Variants in ANKS1B observed in about 807,000 individuals in gnomAD.
ANKS1B encodes ankyrin repeat and sterile alpha motif domain containing 1B, also known as ankyrin repeat and sterile alpha motif domain-containing protein 1B.
Under a neutral mutation model 148.3 loss-of-function variants are expected in ANKS1B, and 36 were observed. The ratio of observed to expected loss-of-function variants is 0.24; its 90% CI spans 0.19 to 0.32. The LOEUF is 0.32. Ranked by LOEUF, ANKS1B falls within the 10% of genes least tolerant of loss-of-function variation. The pLI, the probability that ANKS1B is intolerant of heterozygous loss-of-function variation, is 1.00. For synonymous variants in ANKS1B, 542 were observed against 560.8 expected (o/e 0.97, Z 0.47); for missense variants, 1,157 against 1,542.6 (o/e 0.75, Z 4.19).
At chr12:99,424,622 AACACACACACACAC>A (rs200308044) in intron 11 of ANKS1B, among the ~76,000 whole-genome samples, 2 of 147,362 alleles carry the variant, frequency 1.4e-5, no homozygotes, top group African/African-American at 5.0e-5. Flanking sequence ...AGGTAGCAGA[AACACACACACACAC>A]ACACACACAC....
intron 17 of ANKS1B, among the ~76,000 whole-genome samples, chr12:98,846,986 C>G (rs2099480193): frequency 6.6e-6 from 1 of 152,192 alleles, no homozygotes; most frequent in South Asian, 2.1e-4. Flanking sequence ...TTAATGCATA[C>G]AACTTGATCA....
intron 12 of ANKS1B, 90 bp from the exon 13 acceptor site, chr12:99,246,954 C>A: frequency 1.0e-6 from 1 of 993,250 alleles, no homozygotes; most frequent in South Asian, 1.6e-5. Flanking sequence ...GTGGGCTATC[C>A]AAACATTTCA....
At chr12:99,735,198 C>T (rs1328662336) in intron 8 of ANKS1B, among the ~76,000 whole-genome samples, 1 of 152,058 alleles carries the variant, frequency 6.6e-6, no homozygotes, top group East Asian at 1.9e-4. Flanking sequence ...TCTAATGATG[C>T]ACCTAAAGGA....
At chr12:99,888,844 A>C (rs1412875314) in intron 1 of ANKS1B, among the ~76,000 whole-genome samples, 2 of 152,116 alleles carry the variant, frequency 1.3e-5, no homozygotes, top group Non-Finnish European at 2.9e-5. Flanking sequence ...GGACAACAAT[A>C]ACTATTTGTT....
intron 17 of ANKS1B, among the ~76,000 whole-genome samples, chr12:98,982,472 CCTTCCCTCCCTCTTAGAAATGACTA>C (rs1024024051): frequency 2.6e-5 from 4 of 152,018 alleles, no homozygotes; most frequent in East Asian, 1.9e-4. Context: ...CCTCCTGATC[CCTTCCCTCCCTCTTAGAAATGACTA>C]CTTCCCTCCC....
chr12:99,623,173 C>T (rs2098074840), intron 9 of ANKS1B, among the ~76,000 whole-genome samples: 1 of 151,666 alleles, frequency 6.6e-6, no homozygotes, highest in Admixed American at 6.6e-5. Flanking sequence ...TCAATAGATG[C>T]AGAAAAAGCA....
chr12:99,508,892 A>C (rs1255554133), intron 9 of ANKS1B, among the ~76,000 whole-genome samples: 1 of 151,938 alleles, frequency 6.6e-6, no homozygotes, highest in Non-Finnish European at 1.5e-5. Context: ...TTTTAAAAAA[A>C]TAAAGATTTA....
intron 6 of ANKS1B, among the ~76,000 whole-genome samples, chr12:99,777,034 A>T (rs2063722884): frequency 6.6e-6 from 1 of 152,174 alleles, no homozygotes; most frequent in African/African-American, 2.4e-5. Context: ...ATGGAAACAC[A>T]ATGTGGGCTC....
intron 17 of ANKS1B, among the ~76,000 whole-genome samples, chr12:98,932,554 A>C (rs767068646): frequency 1.3e-5 from 2 of 152,178 alleles, no homozygotes; most frequent in African/African-American, 2.4e-5. Context: ...TTCTGTACCT[A>C]CTAAATCTTA....
chr12:99,954,445 T>A (rs1236188512), intron 1 of ANKS1B, among the ~76,000 whole-genome samples: 1 of 152,236 alleles, frequency 6.6e-6, no homozygotes, highest in Admixed American at 6.5e-5. Context: ...AATAGTTGCA[T>A]TTCCATGCAT....
intron 25 of ANKS1B, among the ~76,000 whole-genome samples, chr12:98,765,981 T>A (rs752868607): frequency 6.6e-6 from 1 of 152,232 alleles, no homozygotes; most frequent in Non-Finnish European, 1.5e-5. Flanking sequence ...CCCCTGATCA[T>A]GACACTTGAC....
intron 10 of ANKS1B, among the ~76,000 whole-genome samples, chr12:99,453,183 C>A (rs188690134): frequency 6.6e-6 from 1 of 151,680 alleles, no homozygotes; most frequent in Non-Finnish European, 1.5e-5. Context: ...CCAGCTACTC[C>A]GGAGGCTGAG....
intron 1 of ANKS1B, among the ~76,000 whole-genome samples, chr12:99,919,786 A>AAAAAAAC (rs2094295050): frequency 1.3e-5 from 2 of 151,686 alleles, no homozygotes; most frequent in Admixed American, 6.6e-5. Flanking sequence ...AGTTAAAAAA[A>AAAAAAAC]AAAAAAAACC....
intron 12 of ANKS1B, among the ~76,000 whole-genome samples, chr12:99,393,603 T>C (rs530995988): frequency 1.3e-5 from 2 of 152,370 alleles, no homozygotes; most frequent in East Asian, 3.9e-4. Context: ...TTTAAGAATA[T>C]GTTGATGGAG....
intron 1 of ANKS1B, among the ~76,000 whole-genome samples, chr12:99,900,148 C>G (rs925879751): frequency 6.6e-5 from 10 of 152,028 alleles, no homozygotes; most frequent in Middle Eastern, 6.8e-3. Context: ...ATCCACCTGC[C>G]TTGGCCTCCC....
chr12:99,507,011 G>A (rs1487050748), intron 9 of ANKS1B, among the ~76,000 whole-genome samples: 2 of 151,952 alleles, frequency 1.3e-5, no homozygotes, highest in Non-Finnish European at 2.9e-5. Context: ...AATAGTTGAT[G>A]AGTTGATGCT....
At chr12:98,982,303 TA>T (rs11369285) in intron 17 of ANKS1B, among the ~76,000 whole-genome samples, 87 of 147,670 alleles carry the variant, frequency 5.9e-4, no homozygotes, top group East Asian at 7.9e-4. Context: ...TCTGTAGTTC[TA>T]AAAAAAAAAA....
At chr12:99,310,793 A>G (rs2083036493) in intron 12 of ANKS1B, among the ~76,000 whole-genome samples, 1 of 152,186 alleles carries the variant, frequency 6.6e-6, no homozygotes, top group African/African-American at 2.4e-5. Flanking sequence ...CTGTCTGTCT[A>G]CATCCTATTG....
At chr12:99,850,898 G>A (rs763043606) in intron 1 of ANKS1B, among the ~76,000 whole-genome samples, 28 of 152,110 alleles carry the variant, frequency 1.8e-4, no homozygotes, top group Admixed American at 7.2e-4. Flanking sequence ...AAAAATCAAA[G>A]AATTCATATC....
Sources: gnomAD v4.1 joint callset for allele counts (sites outside exome capture counted in the v4.1 genomes callset) on GRCh38, gnomAD v4.1.1 for gene constraint, MANE v1.5 for transcripts, NCBI Gene and HGNC (gene_info 2026-07-23, HGNC 2026-07-21) for gene names.